The following PLEKHG5 variants were observed in gnomAD, a reference collection of about 807,000 sequenced individuals.
PLEKHG5 encodes the protein pleckstrin homology and RhoGEF domain containing G5.
A neutral mutation model predicts 103.8 loss-of-function variants in PLEKHG5; 52 were observed. The ratio of observed to expected loss-of-function variants is 0.50; its 90% CI spans 0.40 to 0.63. The LOEUF (loss-of-function observed/expected upper bound fraction) is 0.63. Among genes scored for constraint, PLEKHG5 ranks in the 30% least tolerant of loss-of-function variants. The pLI, the probability that PLEKHG5 is intolerant of heterozygous loss-of-function variation, is 0.00. For synonymous variants in PLEKHG5, 592 were observed against 575.5 expected, an observed-to-expected ratio of 1.03 and a Z score of -0.41; for missense variants, 1,205 against 1,347.6, an observed-to-expected ratio of 0.89 and a Z score of 1.66.
chr1:6,474,224 C>G lies in PLEKHG5; in HGVS notation c.440-60G>C, dbSNP rs558928481. On this transcript the variant is annotated intron_variant, in intron 6 of 20. Transcript: ENST00000377728. ...CTGGTCTGGTGGAGGAGGGGGTCCC[C>G]GGTCCTCTCTCCCCGGAGGATCCAC... The G allele has an allele frequency of 4.4e-6, 7 of 1,586,688 alleles. No homozygotes were observed. In the South Asian group the frequency reaches 7.9e-5, roughly 18 times the overall value.
chr1:6,513,019 C>T (rs1638520722), intron 1 of PLEKHG5, among the ~76,000 whole-genome samples: 1 of 152,226 alleles, frequency 6.6e-6, no homozygotes, highest in African/African-American at 2.4e-5. Flanking sequence ...AAAGCCTGCC[C>T]CCGGCATGGC....
At chr1:6,514,868 G>C (rs1557773881) in intron 1 of PLEKHG5, among the ~76,000 whole-genome samples, 1 of 151,342 alleles carries the variant, frequency 6.6e-6, no homozygotes, top group Non-Finnish European at 1.5e-5. Flanking sequence ...AGGAGTTTAA[G>C]ACCAGCCTGG....
In PLEKHG5 at chr1:6,469,257, G is replaced by A. The variant is rs752275882; in HGVS notation, c.2050-16C>T. 3 of 1,613,804 alleles carry A rather than the reference G, an allele frequency of 1.9e-6. No homozygotes were observed. The African/African-American group carries it at 4.0e-5, about 22-fold the overall frequency. ...GCAGCTGGTTCTGCAGGCAAGGTTG[G>A]GGTACATGGGACAGAATGGGTTGTG... On this transcript the variant is annotated splice_polypyrimidine_tract_variant and intron_variant, in intron 18 of 20. Transcript: ENST00000377728.
chr1:6,517,956 A>G (rs554627179), intron 1 of PLEKHG5, among the ~76,000 whole-genome samples: 2 of 152,024 alleles, frequency 1.3e-5, no homozygotes, highest in African/African-American at 4.8e-5. Flanking sequence ...TTTTTGAGAC[A>G]GAGTCTCGCT....
At position 6,473,372 on chromosome 1, in the gene PLEKHG5, C is replaced by G. The variant is rs1644656401; in HGVS notation, c.674G>C (p.Ser225Thr). 1.3e-6 allele frequency: 2 copies of G among 1,549,532 alleles called. No individual in the cohort carries two copies. Among genetic ancestry groups the G allele is most frequent in the Admixed American group, 3.9e-5 (2 of 51,048 alleles). ...ACTGCTGCCGCTGGGCAGAGAGCAG[C>G]TGGAGGGCGTGGGGGGCTCCTGCCC... ...IPGQEPPTPS[S>T]CSLPSGSSGS... The change falls in exon 8 of 21, where the codon AGC (serine) becomes ACC (threonine). Residue 225 changes from serine to threonine, a missense_variant. By Grantham distance (58) the Ser-to-Thr change is moderately conservative. Coordinates refer to ENST00000377728, the MANE Select transcript of PLEKHG5 (RefSeq NM_020631.6).
At position 6,474,141 on chromosome 1, in the gene PLEKHG5, C is replaced by T. The variant is rs1644685841; in HGVS notation, c.463G>A (p.Gly155Ser). 2 of 1,613,574 alleles carry T rather than the reference C, an allele frequency of 1.2e-6. No homozygotes were observed. Among genetic ancestry groups the T allele is most frequent in the Non-Finnish European group, 1.7e-6 (2 of 1,179,976 alleles). The change falls in exon 7 of 21, where the codon GGC (glycine) becomes AGC (serine). Residue 155 changes from glycine (G) to serine (S), a missense_variant. Gly to Ser is a moderately conservative substitution (Grantham distance 56). Coordinates refer to ENST00000377728, the MANE Select transcript of PLEKHG5 (RefSeq NM_020631.6). ...VKAPAKPGDE[G>S]KVEQGMKDSK... ...TCCTTCATGCCCTGCTCCACCTTGC[C>T]CTCATCTCCAGGCTTGGCTGGGGCT...
At position 6,470,741 on chromosome 1, in the gene PLEKHG5, G is replaced by A; in HGVS notation, c.1536C>T (p.Val512=). The A allele has an allele frequency of 6.4e-7, 1 of 1,558,408 alleles. No individual in the cohort carries two copies. The highest frequency in any genetic ancestry group is 1.2e-5 in the South Asian group (1 of 85,122). The part of the protein sequence containing the change: ...TEEPRAKEAV[V]AMIGSVERFI... Reference sequence around the variant, plus strand: ...CGCTGGCCATCAGGGTTACCATGGCGACGACGGCCTCCTTGGCGCGCGGCT... The same window carrying A: ...CGCTGGCCATCAGGGTTACCATGGCAACGACGGCCTCCTTGGCGCGCGGCT... Residue 512 remains valine, a synonymous_variant, in exon 14 of 21, where the codon GTC becomes GTT. Coordinates refer to ENST00000377728, the MANE Select transcript of PLEKHG5 (RefSeq NM_020631.6).
In PLEKHG5 at chr1:6,469,543, C is replaced by T. The variant is rs778852545; in HGVS notation, c.1933+1G>A. 1.2e-6 allele frequency: 2 copies of T among 1,613,856 alleles called. No individual in the cohort carries two copies. Among genetic ancestry groups the T allele is most frequent in the Non-Finnish European group, 1.7e-6 (2 of 1,180,038 alleles). On this transcript the variant is annotated splice_donor_variant, in intron 17 of 20. Transcript: ENST00000377728. LOFTEE classifies it high-confidence loss of function. ...AGGAACAGGGGACCAGGGCTCCTTA[C>T]CAGGGTCCCGTAGCTCCCGGCACAC...
At chr1:6,492,948 A>G (rs908439456), upstream of PLEKHG5, among the ~76,000 whole-genome samples, 1 of 120,604 alleles carries the variant, frequency 8.3e-6, no homozygotes, top group Admixed American at 7.6e-5. Context: ...CTTGCCCCTT[A>G]TAGCCCCCAA....
Position 6,471,478 on chromosome 1 carries a change from C to G in PLEKHG5, c.1281+10G>C. 6.2e-7 allele frequency: 1 copy of G among 1,609,256 alleles called. No homozygotes were observed. Among genetic ancestry groups the G allele is most frequent in the Non-Finnish European group, 8.5e-7 (1 of 1,178,692 alleles). Reference sequence around the variant, plus strand: ...TCAGTGCCCCCGCCTGCGCCCGGCCCCGCCCGTACCATCTTGAAGCCTTTG... The same window carrying G: ...TCAGTGCCCCCGCCTGCGCCCGGCCGCGCCCGTACCATCTTGAAGCCTTTG... On this transcript the variant is annotated intron_variant, in intron 12 of 20. Coordinates refer to ENST00000377728, the MANE Select transcript of PLEKHG5 (RefSeq NM_020631.6).
rs1644469934 is a variant in PLEKHG5 at position 6,468,656 on chromosome 1, C to G, written c.2250-70G>C. 6 of 1,547,742 alleles carry G rather than the reference C, an allele frequency of 3.9e-6. No individual in the cohort carries two copies. In the South Asian group the frequency reaches 6.7e-5, roughly 17 times the overall value. ...TGGCCTGAGGCAGCCCCAGGCTGGGCAATGCACGGTGGTTTATACCCTCTG... is the reference window on the plus strand; with the variant it reads ...TGGCCTGAGGCAGCCCCAGGCTGGGGAATGCACGGTGGTTTATACCCTCTG... On this transcript the variant is annotated intron_variant, in intron 19 of 20. Transcript: ENST00000377728.
chr1:6,499,080 C>G (rs1235703527), upstream of PLEKHG5, among the ~76,000 whole-genome samples: 1 of 152,200 alleles, frequency 6.6e-6, no homozygotes, highest in Non-Finnish European at 1.5e-5. Flanking sequence ...TCCAGCTGAG[C>G]AGGACAACAT....
Position 6,467,920 on chromosome 1 carries a change from G to C in PLEKHG5, c.2916C>G (p.Pro972=), listed in dbSNP as rs923660925. ...SGASPRVQPE[P]PPGVSAQHRK... ...TGTGCTGGGCAGAGACCCCTGGTGG[G>C]GGCTCAGGCTGGACCCTGGGAGAGG... The change falls in exon 20 of 21, where the codon CCC becomes CCG. Residue 972 remains proline (P), a synonymous_variant. Transcript: ENST00000377728. 54 of 1,597,142 alleles carry C rather than the reference G, an allele frequency of 3.4e-5. No individual in the cohort carries two copies. The highest frequency in any genetic ancestry group is 1.8e-4 in the Middle Eastern group (1 of 5,662).
At chr1:6,494,118 ATTTTT>A (rs36105555), upstream of PLEKHG5, among the ~76,000 whole-genome samples, 23 of 75,740 alleles carry the variant, frequency 3.0e-4, no homozygotes, top group East Asian at 7.4e-3. Context: ...CACCTGGCTA[ATTTTT>A]TTTTTTTTTT....
intron 1 of PLEKHG5, among the ~76,000 whole-genome samples, chr1:6,511,901 G>A (rs912572304): frequency 6.6e-6 from 1 of 152,220 alleles, no homozygotes; most frequent in African/African-American, 2.4e-5. Flanking sequence ...CTTGGAAGCC[G>A]GGGAGCCCGT....
intron 1 of PLEKHG5, among the ~76,000 whole-genome samples, chr1:6,518,132 C>T (rs1469436878): frequency 3.3e-5 from 5 of 151,476 alleles, no homozygotes; most frequent in Non-Finnish European, 7.4e-5. Context: ...CGGGGTTTCA[C>T]CATGTTAGCC....
At chr1:6,519,936 C>T in exon 1 of PLEKHG5, 1 of 276,946 alleles carries the variant, frequency 3.6e-6, no homozygotes, top group Non-Finnish European at 7.0e-6. Context: ...CACAGAGACC[C>T]CGGCCTCTGC....
intron 1 of PLEKHG5, among the ~76,000 whole-genome samples, chr1:6,518,668 G>T (rs1638694287): frequency 6.6e-6 from 1 of 152,040 alleles, no homozygotes; most frequent in Admixed American, 6.6e-5. Flanking sequence ...AACGGTTCCA[G>T]ACCATCCTTG....
At chr1:6,516,564 G>A (rs1372676964) in intron 1 of PLEKHG5, among the ~76,000 whole-genome samples, 1 of 151,980 alleles carries the variant, frequency 6.6e-6, no homozygotes, top group African/African-American at 2.4e-5. Context: ...GGCTGAGGCA[G>A]GAGAACTGCT....
Sources: gnomAD v4.1 joint callset for allele counts (sites outside exome capture counted in the v4.1 genomes callset) on GRCh38, gnomAD v4.1.1 for gene constraint, MANE v1.5 for transcripts, NCBI Gene and HGNC (gene_info 2026-07-23, HGNC 2026-07-21) for gene names.